Variants in ZBTB11 observed in about 807,000 individuals in gnomAD.
ZBTB11 encodes zinc finger and BTB domain containing 11.
Under a neutral mutation model 113.1 loss-of-function variants are expected in ZBTB11, and 68 were observed. The ratio of observed to expected loss-of-function variants is 0.60; its 90% CI spans 0.49 to 0.74. The LOEUF (loss-of-function observed/expected upper bound fraction) is 0.74, where lower values mean the gene tolerates loss of function less well. ZBTB11 is among the 30% of genes least tolerant of loss of function. The probability of loss-of-function intolerance (pLI) is 0.00; values close to 1 mark genes in which losing one functional copy is unlikely to be tolerated. For synonymous variants in ZBTB11, 518 were observed against 452.6 expected, an observed-to-expected ratio of 1.14 and a Z score of -1.83; for missense variants, 1,104 against 1,279.4, an observed-to-expected ratio of 0.86 and a Z score of 2.09.
chr3:101,676,665 C>A lies in ZBTB11; in HGVS notation c.250G>T (p.Gly84Cys). ...LIEAAHLGPG[G>C]THHTRHQTWH... ...GTCTGATGCCGGGTGTGGTGAGTGC[C>A]GCCGGGACCCAGGTGCGCCGCCTCG... is the stretch of plus-strand genomic sequence containing the variant. Residue 84 changes from glycine to cysteine, a missense_variant, in exon 1 of 11, where the codon GGC (glycine) becomes TGC (cysteine). Gly to Cys is a radical substitution (Grantham distance 159). Around this residue, in one of 5 missense-constraint regions of ZBTB11, gnomAD observed 245 missense variants for 272.5 expected, o/e 0.90. Coordinates refer to ENST00000312938, the MANE Select transcript of ZBTB11 (RefSeq NM_014415.4). 1 of 1,588,666 alleles carries A rather than the reference C, an allele frequency of 6.3e-7. No homozygotes were observed. Among genetic ancestry groups the A allele is most frequent in the South Asian group, 1.1e-5 (1 of 88,250 alleles).
At chr3:101,662,585 A>C (rs899250946) in intron 5 of ZBTB11, among the ~76,000 whole-genome samples, 1 of 152,322 alleles carries the variant, frequency 6.6e-6, no homozygotes, top group Middle Eastern at 3.4e-3. Flanking sequence ...AGCCTGCGCA[A>C]CAAGAACACA....
At chr3:101,664,921 CCTAAAG>C in intron 4 of ZBTB11, 37 bp downstream of exon 4, 1 of 1,560,332 alleles carries the variant, frequency 6.4e-7, no homozygotes, top group Non-Finnish European at 8.7e-7. Flanking sequence ...ATGCTTTCAA[CCTAAAG>C]CTAAAACTAC....
At position 101,671,987 on chromosome 3, in the gene ZBTB11, T is replaced by C. The variant is rs1216368844; in HGVS notation, c.537A>G (p.Glu179=). Residue 179 remains glutamate (E), a synonymous_variant, in exon 2 of 11, where the codon GAA becomes GAG. Transcript: ENST00000312938. ...GGAGAGTACCACTTACAAACACAAG[T>C]TCATGTTTGGATACTGGCTTCTTTT... The part of the protein sequence containing the change: ...PAKKKPVSKH[E]LVFVDTKGVV... 25 of 1,612,392 alleles carry C rather than the reference T, an allele frequency of 1.6e-5. No individual in the cohort carries two copies. The highest frequency in any genetic ancestry group is 2.0e-5 in the Non-Finnish European group (24 of 1,178,476).
intron 1 of ZBTB11, among the ~76,000 whole-genome samples, chr3:101,675,358 G>C (rs1422113628): frequency 6.6e-6 from 1 of 152,174 alleles, no homozygotes; most frequent in Non-Finnish European, 1.5e-5. Context: ...AAAATAAATG[G>C]AAGAATTTGA....
chr3:101,666,604 A>C (rs1327246689), intron 3 of ZBTB11, among the ~76,000 whole-genome samples: 1 of 152,206 alleles, frequency 6.6e-6, no homozygotes, highest in Non-Finnish European at 1.5e-5. Flanking sequence ...CACTTTCAAA[A>C]GCCATTGTTA....
intron 6 of ZBTB11, among the ~76,000 whole-genome samples, chr3:101,657,148 A>AC (rs1009141653): frequency 2.0e-5 from 3 of 150,768 alleles, no homozygotes; most frequent in African/African-American, 7.3e-5. Context: ...CTCAAAAAAA[A>AC]AAAAAAAACA....
chr3:101,655,664 C>CT (rs774936234), intron 7 of ZBTB11, among the ~76,000 whole-genome samples: 1,762 of 141,946 alleles, frequency 0.012, 17 homozygotes, highest in East Asian at 0.065. Context: ...TGAGAAAACG[C>CT]TTTTTTTTTT....
At chr3:101,670,530 A>C (rs1477190523) in intron 3 of ZBTB11, 1 of 152,256 alleles carries the variant, frequency 6.6e-6, no homozygotes, top group African/African-American at 2.4e-5. Flanking sequence ...GAACTTAATA[A>C]ACTCTAAGGA....
intron 6 of ZBTB11, among the ~76,000 whole-genome samples, chr3:101,659,463 T>C (rs139448612): frequency 6.6e-6 from 1 of 152,314 alleles, no homozygotes; most frequent in East Asian, 1.9e-4. Context: ...AAGCCATGGG[T>C]TCCTTTCTAG....
In ZBTB11 at chr3:101,651,148, T is replaced by A; in HGVS notation, c.*18A>T. ...AGTGTACAAGAGATGTCACTTCTTT[T>A]TATCTTCATTAACATACTCATTCTC... On this transcript the variant is annotated 3_prime_UTR_variant, in exon 11 of 11. Coordinates refer to ENST00000312938, the MANE Select transcript of ZBTB11 (RefSeq NM_014415.4). 1.3e-6 allele frequency: 2 copies of A among 1,544,406 alleles called. No homozygotes were observed. Among genetic ancestry groups the A allele is most frequent in the Non-Finnish European group, 1.7e-6 (2 of 1,149,472 alleles).
At chr3:101,659,430 T>C (rs573756915) in intron 6 of ZBTB11, among the ~76,000 whole-genome samples, 91 of 152,332 alleles carry the variant, frequency 6.0e-4, no homozygotes, top group African/African-American at 2.1e-3. Context: ...GGCAGGACTT[T>C]TACGGACCAC....
Position 101,654,736 on chromosome 3 carries a change from T to C in ZBTB11, c.2277A>G (p.Pro759=). ...GLSKHFKKHQ[P]KPEVRGYHCT... Reference sequence around the variant, plus strand: ...AATGATAGCCTCGAACCTCAGGCTTTGGTTGGTGTTTCTTGAAGTGCTTGC... The same window carrying C: ...AATGATAGCCTCGAACCTCAGGCTTCGGTTGGTGTTTCTTGAAGTGCTTGC... Residue 759 remains proline, a synonymous_variant, in exon 8 of 11, where the codon CCA becomes CCG. Coordinates refer to ENST00000312938, the MANE Select transcript of ZBTB11 (RefSeq NM_014415.4). 6.2e-7 allele frequency: 1 copy of C among 1,614,196 alleles called. No homozygotes were observed. Among genetic ancestry groups the C allele is most frequent in the African/African-American group, 1.3e-5 (1 of 75,046 alleles).
intron 3 of ZBTB11, among the ~76,000 whole-genome samples, chr3:101,667,479 C>T (rs1430642055): frequency 6.6e-6 from 1 of 152,102 alleles, no homozygotes; most frequent in African/African-American, 2.4e-5. Flanking sequence ...CTGTAATTTT[C>T]AGTTCTGACT....
rs920967336 is a variant in ZBTB11 at position 101,650,500 on chromosome 3, T to C, written c.*666A>G. On this transcript the variant is annotated 3_prime_UTR_variant, in exon 11 of 11. Transcript: ENST00000312938. ...TGCATTTTAATGGCATTTTAAAAAT[T>C]AGCTATTCATTTATGGGTTCCTCAT... is the stretch of plus-strand genomic sequence containing the variant. 2.0e-5 allele frequency: 3 copies of C among 152,634 alleles called. No individual in the cohort carries two copies. Among genetic ancestry groups the C allele is most frequent in the East Asian group, 1.9e-4 (1 of 5,202 alleles). The allele number at this position is 152,634 out of a possible 1,614,324, so 9.5% of individuals were successfully genotyped here.
At position 101,665,709 on chromosome 3, in the gene ZBTB11, C is replaced by T. The variant is rs969100486; in HGVS notation, c.878G>A (p.Arg293His). ...TAAGACTTCTGACATGAAAAGATGA[C>T]GAGCTAAGATGGCTACATCAGCCAT... is the stretch of plus-strand genomic sequence containing the variant. ...CSMADVAILA[R>H]HLFMSEVLEI... is the part of the protein sequence containing the mutation. Residue 293 changes from arginine (R) to histidine (H), a missense_variant, in exon 4 of 11, where the codon CGT (arginine) becomes CAT (histidine). Arg to His is a conservative substitution (Grantham distance 29). Transcript: ENST00000312938. 21 of 1,613,994 alleles carry T rather than the reference C, an allele frequency of 1.3e-5. No individual in the cohort carries two copies. The Admixed American group carries it at 1.5e-4, about 12-fold the overall frequency.
intron 7 of ZBTB11, among the ~76,000 whole-genome samples, chr3:101,655,616 G>C (rs552200293): frequency 6.6e-6 from 1 of 151,400 alleles, no homozygotes; most frequent in Non-Finnish European, 1.5e-5. Context: ...GGGAAACAAT[G>C]AATATTCCAT....
chr3:101,670,110 G>C (rs923894589), intron 3 of ZBTB11, among the ~76,000 whole-genome samples: 4 of 152,308 alleles, frequency 2.6e-5, no homozygotes, highest in African/African-American at 9.6e-5. Flanking sequence ...TTACAGGCAG[G>C]AGCCACTGCG....
chr3:101,669,533 A>G (rs1403230650), intron 3 of ZBTB11, among the ~76,000 whole-genome samples: 1 of 152,206 alleles, frequency 6.6e-6, no homozygotes, highest in Non-Finnish European at 1.5e-5. Context: ...GAGAAACCAG[A>G]AAAGAGCAAC....
chr3:101,672,237 C>T (rs544250750), intron 1 of ZBTB11, 24 bp from the exon 2 acceptor site: 1 of 1,500,978 alleles, frequency 6.7e-7, no homozygotes, highest in South Asian at 1.2e-5. Flanking sequence ...ATTAACAAGT[C>T]AAATTTAATA....
Sources: allele counts gnomAD v4.1 joint callset (sites outside exome capture counted in the v4.1 genomes callset), GRCh38; gene constraint gnomAD v4.1.1; regional missense constraint gnomAD v4.1.1; transcripts MANE v1.5; gene names NCBI Gene and HGNC (gene_info 2026-07-23, HGNC 2026-07-21).